Variants in MAP4K1 observed in about 807,000 individuals in gnomAD.
The protein encoded by MAP4K1 is MAPK/ERK kinase kinase kinase 1.
Under a neutral mutation model 122.8 loss-of-function variants are expected in MAP4K1, and 35 were observed. The ratio of observed to expected loss-of-function variants is 0.29; its 90% CI spans 0.22 to 0.38. The LOEUF (loss-of-function observed/expected upper bound fraction) is 0.38, where lower values mean the gene tolerates loss of function less well. Among genes scored for constraint, MAP4K1 ranks in the 10% least tolerant of loss-of-function variants. The pLI, the probability that MAP4K1 is intolerant of heterozygous loss-of-function variation, is 1.00. For missense variants in MAP4K1, 791 were observed against 1,072.6 expected, an observed-to-expected ratio of 0.74 and a Z score of 3.67; for synonymous variants, 412 against 421.3, an observed-to-expected ratio of 0.98 and a Z score of 0.27.
chr19:38,600,725 T>C (rs912014148), intron 20 of MAP4K1, among the ~76,000 whole-genome samples: 4 of 152,006 alleles, frequency 2.6e-5, no homozygotes, highest in Admixed American at 2.6e-4. Flanking sequence ...TCTAACCTTT[T>C]TGTTATATTC....
At position 38,595,726 on chromosome 19, in the gene MAP4K1, G is replaced by A; in HGVS notation, c.2183C>T (p.Ser728Phe). The A allele has an allele frequency of 1.3e-6, 2 of 1,598,110 alleles. No homozygotes were observed. The highest frequency in any genetic ancestry group is 1.7e-6 in the Non-Finnish European group (2 of 1,173,270). Residue 728 changes from serine to phenylalanine, a missense_variant, in exon 28 of 31, where the codon TCT (serine) becomes TTT (phenylalanine). Physicochemically the swap from Ser to Phe is radical, Grantham distance 155 (BLOSUM62 -2). Transcript: ENST00000396857. Reference sequence around the variant, plus strand: ...CCCCTCCGGGGTCACCAGCTTCACAGAGCCTGGAAGGAGATAGACGGTTTT... The same window carrying A: ...CCCCTCCGGGGTCACCAGCTTCACAAAGCCTGGAAGGAGATAGACGGTTTT... ...EDMVMVLMDG[S>F]VKLVTPEGSP...
intron 4 of MAP4K1, chr19:38,614,817 G>T: frequency 4.4e-6 from 1 of 225,294 alleles, no homozygotes; most frequent in Non-Finnish European, 8.9e-6. Context: ...AAGTACTCAG[G>T]AGGCTGAGGC....
intron 19 of MAP4K1, among the ~76,000 whole-genome samples, chr19:38,603,135 TAC>T (rs1458359914): frequency 2.0e-5 from 3 of 148,558 alleles, no homozygotes; most frequent in African/African-American, 5.0e-5. Context: ...TATACGCATA[TAC>T]ATATATACAC....
intron 19 of MAP4K1, among the ~76,000 whole-genome samples, chr19:38,601,996 T>C (rs1223177878): frequency 6.6e-6 from 1 of 152,166 alleles, no homozygotes; most frequent in Non-Finnish European, 1.5e-5. Context: ...CAGGCTGGTC[T>C]TGAACTCTTG....
At chr19:38,608,799 CAAAAAAAAAAAAAAAA>C (rs1031744033) in intron 13 of MAP4K1, among the ~76,000 whole-genome samples, 8 of 9,558 alleles carry the variant, frequency 8.4e-4, no homozygotes, top group East Asian at 6.0e-3. Flanking sequence ...AACTCCGTCT[CAAAAAAAAAAAAAAAA>C]AAAAAAAAAA....
chr19:38,614,638 A>T, intron 4 of MAP4K1, 193 bp from the exon 5 acceptor site: 1 of 635,580 alleles, frequency 1.6e-6, no homozygotes, highest in Non-Finnish European at 2.8e-6. Flanking sequence ...AGAGGCCAAT[A>T]GGCCTGGCGC....
At chr19:38,590,390 AAAAAATATATATATATATAT>A (rs1432599201) in intron 30 of MAP4K1, among the ~76,000 whole-genome samples, 6 of 26,404 alleles carry the variant, frequency 2.3e-4, no homozygotes, top group Admixed American at 1.1e-3. Flanking sequence ...AAAAAAAAAA[AAAAAATATATATATATATAT>A]ATATATATAT....
Position 38,612,691 on chromosome 19 carries a change from C to T in MAP4K1, c.585G>A (p.Leu195=). The change falls in exon 9 of 31, where the codon CTG becomes CTA. Residue 195 remains leucine, a synonymous_variant. Transcript: ENST00000396857. Reference sequence around the variant, plus strand: ...TGATGCCCAGGGACCAGATGTCACACAGCTCATTGTATCCTCCCTTCAGGG... The same window carrying T: ...TGATGCCCAGGGACCAGATGTCACATAGCTCATTGTATCCTCCCTTCAGGG... ...AVALKGGYNE[L]CDIWSLGITA... 1 of 1,613,946 alleles carries T rather than the reference C, an allele frequency of 6.2e-7. No individual in the cohort carries two copies. Among genetic ancestry groups the T allele is most frequent in the East Asian group, 2.2e-5 (1 of 44,864 alleles).
intron 11 of MAP4K1, among the ~76,000 whole-genome samples, chr19:38,610,351 T>C (rs1170141183): frequency 6.8e-6 from 1 of 147,970 alleles, no homozygotes; most frequent in African/African-American, 2.5e-5. Flanking sequence ...GATTACAGGC[T>C]CGTGCCACCA....
chr19:38,601,376 C>A, intron 20 of MAP4K1, 65 bp downstream of exon 20: 1 of 1,443,048 alleles, frequency 6.9e-7, no homozygotes, highest in Non-Finnish European at 9.5e-7. Flanking sequence ...CCTTAGGCTT[C>A]TCCCCACCCC....
intron 16 of MAP4K1, 116 bp downstream of exon 16, chr19:38,607,748 A>C (rs1975371765): frequency 1.2e-5 from 14 of 1,143,578 alleles, no homozygotes; most frequent in Admixed American, 1.0e-4. Context: ...GCTCGGGGCT[A>C]GAAGAAAGGC....
At chr19:38,615,701 C>G (rs928672051) in intron 4 of MAP4K1, among the ~76,000 whole-genome samples, 2 of 152,132 alleles carry the variant, frequency 1.3e-5, no homozygotes, top group Non-Finnish European at 2.9e-5. Flanking sequence ...CCTTCCTTTT[C>G]TAACATTTGA....
chr19:38,598,253 A>T (rs1974948806), intron 22 of MAP4K1, among the ~76,000 whole-genome samples: 1 of 151,926 alleles, frequency 6.6e-6, no homozygotes, highest in Admixed American at 6.6e-5. Context: ...CTGGTCTCGA[A>T]CTACTGACCT....
Position 38,595,919 on chromosome 19 carries a change from G to T in MAP4K1, c.2179+20C>A. On this transcript the variant is annotated intron_variant, in intron 27 of 30. Transcript: ENST00000396857. ...GCAGCTGGAGGGGTGGGGAGGAAGG[G>T]GAGGAAGGAGGGTTCTCACCATCCA... The T allele has an allele frequency of 1.2e-6, 2 of 1,612,928 alleles. No individual in the cohort carries two copies. Among genetic ancestry groups the T allele is most frequent in the South Asian group, 1.1e-5 (1 of 91,058 alleles).
Position 38,605,702 on chromosome 19 carries a change from C to T in MAP4K1, c.1229G>A (p.Gly410Asp). Reference protein sequence around the residue: ...KPKFRSPSDEGPGSMGDDGQL... With the variant: ...KPKFRSPSDEDPGSMGDDGQL... ...CCCATCATCCCCCATGCTCCCAGGA[C>T]CCTCGTCTGATGGAGAACGGAACTT... The change falls in exon 18 of 31, where the codon GGT becomes GAT. Residue 410 changes from glycine (G) to aspartate (D), a missense_variant. By Grantham distance (94) the Gly-to-Asp change is moderately conservative. Transcript: ENST00000396857. 1 of 1,607,320 alleles carries T rather than the reference C, an allele frequency of 6.2e-7. No homozygotes were observed. Among genetic ancestry groups the T allele is most frequent in the Non-Finnish European group, 8.5e-7 (1 of 1,178,534 alleles).
rs1441343529 is a variant in MAP4K1 at position 38,596,397 on chromosome 19, C to G, written c.2031G>C (p.Val677=). The G allele has an allele frequency of 6.3e-7, 1 of 1,595,840 alleles. No individual in the cohort carries two copies. The highest frequency in any genetic ancestry group is 8.5e-7 in the Non-Finnish European group (1 of 1,174,880). Residue 677 remains valine, a synonymous_variant, in exon 26 of 31, where the codon GTG becomes GTC. Transcript: ENST00000396857. Reference sequence around the variant, plus strand: ...CCGACTTCCCCGGCCGCCCGGGGCTCACGCCGATGCACACAGCGGGCAGCT... The same window carrying G: ...CCGACTTCCCCGGCCGCCCGGGGCTGACGCCGATGCACACAGCGGGCAGCT... The part of the protein sequence containing the change: ...GSELPAVCIG[V]SPGRPGKSVL...
chr19:38,607,895 A>G lies in MAP4K1; in HGVS notation c.1126T>C (p.Ser376Pro), dbSNP rs920615299. The G allele has an allele frequency of 6.2e-7, 1 of 1,611,772 alleles. No homozygotes were observed. Among genetic ancestry groups the G allele is most frequent in the Admixed American group, 1.7e-5 (1 of 59,634 alleles). Reference protein sequence around the residue: ...SSSPRKQLSESSDDDYDDVDI... With the variant: ...SSSPRKQLSEPSDDDYDDVDI... ...ACGTCGTCATAGTCATCGTCAGACGACTCTGACAGTTGCTTCCTGAAGGGT... is the reference window on the plus strand; with the variant it reads ...ACGTCGTCATAGTCATCGTCAGACGGCTCTGACAGTTGCTTCCTGAAGGGT... Residue 376 changes from serine to proline, a missense_variant, in exon 16 of 31, where the codon TCG (serine) becomes CCG (proline). This residue lies in a region of MAP4K1 where 303 missense variants were observed against 344.8 expected (regional missense o/e 0.88). Transcript: ENST00000396857.
At position 38,593,275 on chromosome 19, in the gene MAP4K1, A is replaced by G; in HGVS notation, c.2396+7T>C. The G allele has an allele frequency of 6.2e-7, 1 of 1,611,348 alleles. No individual in the cohort carries two copies. Among genetic ancestry groups the G allele is most frequent in the Non-Finnish European group, 8.5e-7 (1 of 1,178,648 alleles). ...CAGGTCCTTCTGCACCCCACCCCAC[A>G]ACATACCTGGGGGAGCCAAGCAGAC... On this transcript the variant is annotated splice_region_variant and intron_variant, in intron 30 of 30. Coordinates refer to ENST00000396857, the MANE Select transcript of MAP4K1 (RefSeq NM_001042600.3).
rs1975010354 is a variant in MAP4K1, at chr19:38,599,938, G to A, written c.1656C>T (p.Leu552=). The change falls in exon 22 of 31, where the codon CTC becomes CTT. Residue 552 remains leucine, a synonymous_variant. Transcript: ENST00000396857. The part of the protein sequence containing the change: ...TTWVYSINNV[L]MSLSGKTPHL... ...CCACAGCCAGACCTGAGAGAGACAT[G>A]AGAACGTTGTTGATGGAGTACACCC... 5 of 1,614,116 alleles carry A rather than the reference G, an allele frequency of 3.1e-6. No individual in the cohort carries two copies. Among genetic ancestry groups the A allele is most frequent in the East Asian group, 4.5e-5 (2 of 44,874 alleles).
Sources: gnomAD v4.1 joint callset for allele counts (sites outside exome capture counted in the v4.1 genomes callset) on GRCh38, gnomAD v4.1.1 for gene constraint, gnomAD v4.1.1 regional missense constraint, MANE v1.5 for transcripts, NCBI Gene and HGNC (gene_info 2026-07-23, HGNC 2026-07-21) for gene names.